The following ABI3 variants were observed in gnomAD, a reference collection of about 807,000 sequenced individuals.
The protein encoded by ABI3 is ABI family member 3, also known as ABI gene family member 3.
ABI3 carries 24 observed loss-of-function variants against 37.0 expected under a neutral mutation model. That is an observed-to-expected ratio of 0.65 (90% CI 0.47 to 0.91). ABI3 has a LOEUF of 0.91. ABI3 is among the 40% of genes least tolerant of loss of function. The pLI, the probability that ABI3 is intolerant of heterozygous loss-of-function variation, is 0.00. For missense variants in ABI3, 481 were observed against 485.1 expected, an observed-to-expected ratio of 0.99 and a Z score of 0.08; for synonymous variants, 220 against 211.8, an observed-to-expected ratio of 1.04 and a Z score of -0.34.
chr17:49,212,694 C>G (rs913713304), intron 1 of ABI3, among the ~76,000 whole-genome samples: 2 of 152,130 alleles, frequency 1.3e-5, no homozygotes, highest in African/African-American at 4.8e-5. Flanking sequence ...AGTCACTTTC[C>G]CAGAAGTCTC....
At chr17:49,218,980 G>T (rs2043250560) in intron 3 of ABI3, among the ~76,000 whole-genome samples, 1 of 151,932 alleles carries the variant, frequency 6.6e-6, no homozygotes, top group Non-Finnish European at 1.5e-5. Context: ...AAGCCCATGG[G>T]GTAACACTGT....
chr17:49,218,850 C>T lies in ABI3; in HGVS notation c.463-690C>T, dbSNP rs146124252. 1.2e-3 allele frequency among the ~76,000 whole-genome samples: 173 copies of T among 150,332 alleles called. 1 individual carries two copies. Among genetic ancestry groups the T allele is most frequent in the African/African-American group, 2.8e-3 (113 of 40,544 alleles). ...CAGGCTGGTCTTGAACTCCTGAACT[C>T]AGGTGATCCTCTTGCCTGAGCCACC... On this transcript the variant is annotated intron_variant, in intron 3 of 7. Transcript: ENST00000225941.
rs748984800 is a variant in ABI3 at position 49,216,656 on chromosome 17, C to T, written c.243C>T (p.Ala81=). 67 of 1,606,670 alleles carry T rather than the reference C, an allele frequency of 4.2e-5. No homozygotes were observed. Among genetic ancestry groups the T allele is most frequent in the East Asian group, 1.6e-4 (7 of 44,260 alleles). ...TGCGCATGTTGGACCTGCAGGGGGCCGCCCTGCGGCAGGTGGAAGCCCGTG... is the reference window on the plus strand; with the variant it reads ...TGCGCATGTTGGACCTGCAGGGGGCTGCCCTGCGGCAGGTGGAAGCCCGTG... ...HTLRMLDLQG[A]ALRQVEARVS... is the part of the protein sequence containing the mutation. The change falls in exon 2 of 8, where the codon GCC becomes GCT. Residue 81 remains alanine, a synonymous_variant. Transcript: ENST00000225941.
intron 5 of ABI3, 79 bp from the exon 6 acceptor site, chr17:49,220,090 C>T (rs1341976231): frequency 1.9e-6 from 3 of 1,596,374 alleles, no homozygotes; most frequent in Non-Finnish European, 2.6e-6. Flanking sequence ...GGGCTGGGGT[C>T]AGGATTGGAG....
rs1429188997 is a variant in ABI3, at chr17:49,222,697, T to C, written c.1083T>C (p.Tyr361=). The C allele has an allele frequency of 5.7e-6, 9 of 1,580,232 alleles. No individual in the cohort carries two copies. The highest frequency in any genetic ancestry group is 1.1e-5 in the South Asian group (1 of 87,472). ...GGACTGGATTCTTCCCTGGGAACTATGTGGAGCCCAGCTGCTGACAGCCCA... is the reference window on the plus strand; with the variant it reads ...GGACTGGATTCTTCCCTGGGAACTACGTGGAGCCCAGCTGCTGACAGCCCA... The part of the protein sequence containing the change: ...SEGTGFFPGN[Y]VEPSC Residue 361 remains tyrosine, a synonymous_variant, in exon 8 of 8, where the codon TAT becomes TAC. Coordinates refer to ENST00000225941, the MANE Select transcript of ABI3 (RefSeq NM_016428.3).
chr17:49,218,798 G>A (rs2043248685), intron 3 of ABI3, among the ~76,000 whole-genome samples: 2 of 125,548 alleles, frequency 1.6e-5, no homozygotes, highest in South Asian at 2.3e-4. Flanking sequence ...TGTATTTTTA[G>A]TAGAGATAGG....
intron 2 of ABI3, 31 bp from the exon 3 acceptor site, chr17:49,217,708 C>T (rs1288958714): frequency 2.5e-6 from 4 of 1,582,480 alleles, no homozygotes; most frequent in Admixed American, 3.6e-5. Flanking sequence ...ACAGACCACC[C>T]CTCTCTGTCA....
At chr17:49,221,688 G>T (rs1446916556) in intron 6 of ABI3, among the ~76,000 whole-genome samples, 1 of 152,142 alleles carries the variant, frequency 6.6e-6, no homozygotes, top group African/African-American at 2.4e-5. Flanking sequence ...GACAGGAGAG[G>T]GCTGGAGGAA....
In ABI3 at chr17:49,220,027, CAT is replaced by C. The variant is rs2043265563; in HGVS notation, c.644+76_644+77del. ...TTGAGAGGGGCCACCTGCCAGTGGT[CAT>C]AGTGACTCCTGGGCTTGAAAGGACC... On this transcript the variant is annotated intron_variant, in intron 5 of 7. Coordinates refer to ENST00000225941, the MANE Select transcript of ABI3 (RefSeq NM_016428.3). The C allele has an allele frequency of 3.9e-6, 6 of 1,529,712 alleles. No individual in the cohort carries two copies. In the East Asian group the frequency reaches 1.4e-4, roughly 37 times the overall value. The allele number at this position is 1,529,712 out of a possible 1,614,324, so 94.8% of individuals were successfully genotyped here. A position where few individuals can be genotyped will look rare whatever the true frequency, so the allele number is the denominator to read the frequency against.
intron 1 of ABI3, among the ~76,000 whole-genome samples, chr17:49,215,831 C>T (rs919205048): frequency 2.0e-5 from 3 of 148,942 alleles, no homozygotes; most frequent in Non-Finnish European, 3.0e-5. Flanking sequence ...CGGCTGGGCA[C>T]GGTGGCTCAC....
chr17:49,211,792 GCA>G (rs1468945640), intron 1 of ABI3, among the ~76,000 whole-genome samples: 1 of 151,948 alleles, frequency 6.6e-6, no homozygotes, highest in Non-Finnish European at 1.5e-5. Context: ...TTACAGGCAT[GCA>G]CCACCATGCC....
At position 49,218,035 on chromosome 17, in the gene ABI3, G is replaced by A. The variant is rs112988403; in HGVS notation, c.462+120G>A. The stretch of plus-strand genomic sequence containing the variant: ...CCACTTGCCACTCCTTTCTTTCCCC[G>A]CTCCCTGAAACCACCACTCTGAGCT... On this transcript the variant is annotated intron_variant, in intron 3 of 7. Coordinates refer to ENST00000225941, the MANE Select transcript of ABI3 (RefSeq NM_016428.3). 50 of 1,048,270 alleles carry A rather than the reference G, an allele frequency of 4.8e-5. No homozygotes were observed. The African/African-American group carries it at 6.7e-4, about 14-fold the overall frequency. The allele number at this position is 1,048,270 out of a possible 1,614,324, so 64.9% of individuals were successfully genotyped here. A position where few individuals can be genotyped will look rare whatever the true frequency, so the allele number is the denominator to read the frequency against.
chr17:49,218,770 A>ATTTT (rs71144583), intron 3 of ABI3, among the ~76,000 whole-genome samples: 2,203 of 131,672 alleles, frequency 0.017, 90 homozygotes, highest in African/African-American at 0.062. Context: ...TGCCCGGCTA[A>ATTTT]TTTTTTTTTT....
rs942297352 is a variant in ABI3, at chr17:49,219,429, C to T, written c.463-111C>T. The T allele has an allele frequency of 9.7e-6, 9 of 923,622 alleles. No homozygotes were observed. In the East Asian group the frequency reaches 1.1e-4, roughly 11 times the overall value. 57.2% of individuals were successfully genotyped at this position (923,622 alleles called of 1,614,324 possible). Reference sequence around the variant, plus strand: ...AAGTGGAAGTGGGAACTGGCTATGCCGGGCTCTCCCTCCCGGTTCCCGTCC... The same window carrying T: ...AAGTGGAAGTGGGAACTGGCTATGCTGGGCTCTCCCTCCCGGTTCCCGTCC... On this transcript the variant is annotated intron_variant, in intron 3 of 7. Transcript: ENST00000225941. This position sits in a 1 kb window ranked among gnomAD's most constrained non-coding sequence, Gnocchi z 4.3.
chr17:49,219,982 T>TG lies in ABI3; in HGVS notation c.644+35dup, dbSNP rs1431930628. On this transcript the variant is annotated intron_variant, in intron 5 of 7. Coordinates refer to ENST00000225941, the MANE Select transcript of ABI3 (RefSeq NM_016428.3). This position sits in a 1 kb window ranked among gnomAD's most constrained non-coding sequence, Gnocchi z 4.3. Reference sequence around the variant, plus strand: ...AGACCTACAAGCCCACGTGGGTGGGTGGGGGGTGGGAAGTGGCTTTTGAGA... The same window carrying TG: ...AGACCTACAAGCCCACGTGGGTGGGTGGGGGGGTGGGAAGTGGCTTTTGAGA... 6 of 864,358 alleles carry TG rather than the reference T, an allele frequency of 6.9e-6. No homozygotes were observed. Among genetic ancestry groups the TG allele is most frequent in the African/African-American group, 1.7e-5 (1 of 59,452 alleles). 53.5% of individuals were successfully genotyped at this position (864,358 alleles called of 1,614,324 possible). A position where few individuals can be genotyped will look rare whatever the true frequency, so the allele number is the denominator to read the frequency against.
chr17:49,212,329 T>C (rs2043177308), intron 1 of ABI3, among the ~76,000 whole-genome samples: 1 of 152,140 alleles, frequency 6.6e-6, no homozygotes, highest in African/African-American at 2.4e-5. Flanking sequence ...TTTACGACAG[T>C]TTATTAGCAC....
chr17:49,222,004 T>A, intron 6 of ABI3, 87 bp from the exon 7 acceptor site: 1 of 1,437,490 alleles, frequency 7.0e-7, no homozygotes, highest in Non-Finnish European at 9.2e-7. Flanking sequence ...GATGGGTGGA[T>A]TCTGGGGTCC....
At chr17:49,212,925 A>T (rs1378859073) in intron 1 of ABI3, among the ~76,000 whole-genome samples, 1 of 152,206 alleles carries the variant, frequency 6.6e-6, no homozygotes, top group African/African-American at 2.4e-5. Context: ...AGTCCTTTCC[A>T]TTCCTTCCAT....
At chr17:49,214,575 C>T (rs612062) in intron 1 of ABI3, among the ~76,000 whole-genome samples, 146,933 of 152,300 alleles carry the variant, frequency 0.96, 70,939 homozygotes, top group South Asian at 0.99. Flanking sequence ...CTGGGCGTGG[C>T]GGTGCATGCC....
Sources: allele counts gnomAD v4.1 joint callset (sites outside exome capture counted in the v4.1 genomes callset), GRCh38; gene constraint gnomAD v4.1.1; non-coding constraint Gnocchi (gnomAD v3.1); transcripts MANE v1.5; gene names NCBI Gene and HGNC (gene_info 2026-07-23, HGNC 2026-07-21).